Variants in CADM2 observed in about 807,000 individuals in gnomAD.
CADM2 encodes immunoglobulin superfamily member 4D.
Under a neutral mutation model 49.8 loss-of-function variants are expected in CADM2, and 12 were observed. That is an observed-to-expected ratio of 0.24 (90% CI 0.15 to 0.39). The LOEUF is 0.39. CADM2 is among the 10% of genes least tolerant of loss of function. The pLI is 1.00. For synonymous variants in CADM2, 214 were observed against 175.4 expected, an observed-to-expected ratio of 1.22 and a Z score of -1.74; for missense variants, 378 against 492.3, an observed-to-expected ratio of 0.77 and a Z score of 2.20.
intron 7 of CADM2, among the ~76,000 whole-genome samples, chr3:85,947,381 GTGTA>G (rs1443666828): frequency 6.6e-6 from 1 of 151,556 alleles, no homozygotes; most frequent in Non-Finnish European, 1.5e-5. Context: ...AGATTGGGAT[GTGTA>G]TGTGTGTGTG....
At chr3:85,109,135 G>A (rs1168706811) in intron 1 of CADM2, among the ~76,000 whole-genome samples, 1 of 151,962 alleles carries the variant, frequency 6.6e-6, no homozygotes, top group Non-Finnish European at 1.5e-5. Flanking sequence ...AGGGGGAAGT[G>A]ACTATAATAT....
rs77653674 is a variant in CADM2 at position 85,343,926 on chromosome 3, C to T, written c.62-382596C>T. On this transcript the variant is annotated intron_variant, in intron 1 of 9. Coordinates refer to ENST00000383699, the MANE Select transcript of CADM2 (RefSeq NM_001167675.2). The stretch of plus-strand genomic sequence containing the variant: ...ATTTACTGAGAAGGCACTGTGTGTT[C>T]ATCTCTTCTTTAGACACTGCAAAGT... Among the ~76,000 whole-genome samples the T allele has an allele frequency of 3.9e-4, 59 of 152,276 alleles. 3 individuals are homozygous for T. The East Asian group carries it at 0.011, about 29-fold the overall frequency.
intron 1 of CADM2, among the ~76,000 whole-genome samples, chr3:85,135,003 A>T (rs1023665286): frequency 1.3e-5 from 2 of 152,020 alleles, no homozygotes; most frequent in African/African-American, 4.8e-5. Context: ...ATTCATAATA[A>T]GTATTTTTAT....
chr3:84,967,542 T>C (rs1426550673), intron 1 of CADM2, among the ~76,000 whole-genome samples: 5 of 152,120 alleles, frequency 3.3e-5, no homozygotes, highest in African/African-American at 7.2e-5. Flanking sequence ...GTAAGCTTTT[T>C]ATTTAATTGC....
intron 1 of CADM2, among the ~76,000 whole-genome samples, chr3:85,400,591 G>C (rs987888308): frequency 6.6e-6 from 1 of 151,932 alleles, no homozygotes; most frequent in African/African-American, 2.4e-5. Flanking sequence ...GACTTTTTTT[G>C]GTTGGTAGGC....
chr3:85,005,817 T>C (rs1456255838), intron 1 of CADM2, among the ~76,000 whole-genome samples: 1 of 152,124 alleles, frequency 6.6e-6, no homozygotes, highest in Non-Finnish European at 1.5e-5. Context: ...GTGTGTGTTG[T>C]ATTTTTCAAT....
At chr3:85,456,529 T>C (rs181598028) in intron 1 of CADM2, among the ~76,000 whole-genome samples, 281 of 152,338 alleles carry the variant, frequency 1.8e-3, no homozygotes, top group African/African-American at 6.4e-3. Context: ...TTATTTGTTA[T>C]ATGTTATACA....
At chr3:85,995,645 A>G (rs1482299215) in intron 8 of CADM2, among the ~76,000 whole-genome samples, 1 of 152,222 alleles carries the variant, frequency 6.6e-6, no homozygotes, top group Non-Finnish European at 1.5e-5. Flanking sequence ...TAAGAAGCCT[A>G]AAATATTATT....
chr3:85,328,310 A>G, intron 1 of CADM2, among the ~76,000 whole-genome samples: 1 of 152,228 alleles, frequency 6.6e-6, no homozygotes, highest in East Asian at 1.9e-4. Context: ...ACATGGCTTC[A>G]AATTGTATTT....
At chr3:85,043,508 C>T (rs917644860) in intron 1 of CADM2, among the ~76,000 whole-genome samples, 2 of 151,676 alleles carry the variant, frequency 1.3e-5, no homozygotes, top group African/African-American at 4.8e-5. Flanking sequence ...CGTAAGGCCC[C>T]ATCTCTCAAA....
At chr3:85,062,199 A>T (rs1217888398) in intron 1 of CADM2, among the ~76,000 whole-genome samples, 1 of 151,984 alleles carries the variant, frequency 6.6e-6, no homozygotes, top group Non-Finnish European at 1.5e-5. Context: ...TAAATTTCTA[A>T]TTTTTTCAAA....
At chr3:85,125,590 G>C (rs890170401) in intron 1 of CADM2, among the ~76,000 whole-genome samples, 4 of 152,092 alleles carry the variant, frequency 2.6e-5, no homozygotes, top group Admixed American at 2.0e-4. Context: ...GAAATCCTGA[G>C]CTCAAGGCAT....
chr3:85,248,370 A>G (rs1025764730), intron 1 of CADM2, among the ~76,000 whole-genome samples: 4 of 151,902 alleles, frequency 2.6e-5, no homozygotes, highest in African/African-American at 9.7e-5. Flanking sequence ...TGCCTCCTGG[A>G]TTCAAGCAGT....
intron 1 of CADM2, among the ~76,000 whole-genome samples, chr3:85,667,474 A>G (rs1341952944): frequency 6.6e-6 from 1 of 152,058 alleles, no homozygotes; most frequent in Admixed American, 6.6e-5. Context: ...TTACATTACC[A>G]GGCTAGTGGT....
chr3:85,292,866 C>G (rs1340423330), intron 1 of CADM2, among the ~76,000 whole-genome samples: 1 of 152,048 alleles, frequency 6.6e-6, no homozygotes, highest in Non-Finnish European at 1.5e-5. Context: ...ACCCTAACAT[C>G]ACAATTAAAA....
intron 8 of CADM2, chr3:86,014,911 T>C: frequency 6.6e-7 from 1 of 1,523,172 alleles, no homozygotes; most frequent in Non-Finnish European, 9.1e-7. Context: ...GTGATGACGG[T>C]TGAGAATGAG....
At chr3:85,649,121 A>T (rs1342952914) in intron 1 of CADM2, among the ~76,000 whole-genome samples, 8 of 152,128 alleles carry the variant, frequency 5.3e-5, no homozygotes, top group Admixed American at 5.2e-4. Flanking sequence ...AAGCAATAAG[A>T]AAAACAGGAT....
At chr3:85,958,142 G>A (rs1017949715) in intron 7 of CADM2, among the ~76,000 whole-genome samples, 2 of 151,952 alleles carry the variant, frequency 1.3e-5, no homozygotes, top group Admixed American at 1.3e-4. Flanking sequence ...CAAAGGATAT[G>A]AACAGGCACT....
intron 1 of CADM2, among the ~76,000 whole-genome samples, chr3:85,494,048 A>G (rs2039784194): frequency 6.6e-6 from 1 of 152,198 alleles, no homozygotes; most frequent in Non-Finnish European, 1.5e-5. Context: ...TGGAGTCCCA[A>G]TACTTGTTAA....
Sources: gnomAD v4.1 joint callset for allele counts (sites outside exome capture counted in the v4.1 genomes callset) on GRCh38, gnomAD v4.1.1 for gene constraint, MANE v1.5 for transcripts, NCBI Gene and HGNC (gene_info 2026-07-23, HGNC 2026-07-21) for gene names.